The following SLC25A26 variants were observed in gnomAD, a reference collection of about 807,000 sequenced individuals.
SLC25A26 encodes the protein solute carrier family 25 member 26.
Under a neutral mutation model 37.8 loss-of-function variants are expected in SLC25A26, and 36 were observed. The ratio of observed to expected loss-of-function variants is 0.95; its 90% CI spans 0.73 to 1.26. SLC25A26 has a LOEUF of 1.26. SLC25A26 is among the 50% of genes most tolerant of loss of function. The pLI, the probability that SLC25A26 is intolerant of heterozygous loss-of-function variation, is 0.00. For synonymous variants in SLC25A26, 129 were observed against 122.5 expected, an observed-to-expected ratio of 1.05 and a Z score of -0.35; for missense variants, 390 against 331.1, an observed-to-expected ratio of 1.18 and a Z score of -1.38.
chr3:66,217,643 G>T (rs1018887642), upstream of SLC25A26, among the ~76,000 whole-genome samples: 7 of 152,064 alleles, frequency 4.6e-5, no homozygotes, highest in Non-Finnish European at 7.4e-5. Context: ...CCACCGCTCG[G>T]GTTCAAGCGA....
At chr3:66,259,614 T>G (rs568735275) in intron 3 of SLC25A26, among the ~76,000 whole-genome samples, 93 of 152,286 alleles carry the variant, frequency 6.1e-4, no homozygotes, top group Middle Eastern at 3.4e-3. Flanking sequence ...TCCTTTTTCC[T>G]CAGATTTGAC....
At chr3:66,342,231 T>A (rs970958951) in intron 5 of SLC25A26, among the ~76,000 whole-genome samples, 2 of 152,112 alleles carry the variant, frequency 1.3e-5, no homozygotes, top group African/African-American at 4.8e-5. Context: ...CAACTAGAGG[T>A]CTTGCACACG....
intron 6 of SLC25A26, among the ~76,000 whole-genome samples, chr3:66,361,979 AAAG>A (rs1439868201): frequency 6.6e-6 from 1 of 152,130 alleles, no homozygotes; most frequent in African/African-American, 2.4e-5. Flanking sequence ...TCTCAAAAAA[AAAG>A]AAGAAAGAAA....
intron 5 of SLC25A26, among the ~76,000 whole-genome samples, chr3:66,285,208 A>G (rs1053942073): frequency 6.6e-6 from 1 of 152,060 alleles, no homozygotes; most frequent in African/African-American, 2.4e-5. Flanking sequence ...AAAACAGTGT[A>G]ATGAGGTATA....
chr3:66,317,758 A>AGG (rs1383517779), intron 5 of SLC25A26, among the ~76,000 whole-genome samples: 1 of 152,118 alleles, frequency 6.6e-6, no homozygotes, highest in African/African-American at 2.4e-5. Context: ...CCCTCCTCCT[A>AGG]GGGGCTCCTG....
chr3:66,281,843 G>C (rs747310331), intron 5 of SLC25A26, among the ~76,000 whole-genome samples: 1 of 129,530 alleles, frequency 7.7e-6, no homozygotes, highest in African/African-American at 3.1e-5. Context: ...TTTTTTTTGA[G>C]ATGGAGTGTC....
intron 2 of SLC25A26, among the ~76,000 whole-genome samples, chr3:66,238,493 C>T (rs1350028532): frequency 6.6e-6 from 1 of 152,088 alleles, no homozygotes; most frequent in Non-Finnish European, 1.5e-5. Flanking sequence ...AGCAATTCTC[C>T]TGCTTCAGCC....
chr3:66,188,841 A>T (rs1024200223), intron 1 of SLC25A26, among the ~76,000 whole-genome samples: 1 of 151,248 alleles, frequency 6.6e-6, no homozygotes, highest in African/African-American at 2.4e-5. Flanking sequence ...AATCAACCTG[A>T]CCAGACCCTG....
chr3:66,370,067 C>G (rs371824116), intron 8 of SLC25A26, among the ~76,000 whole-genome samples: 1 of 152,152 alleles, frequency 6.6e-6, no homozygotes, highest in Non-Finnish European at 1.5e-5. Context: ...AAAAGTAGAA[C>G]AAATAATGGG....
Position 66,300,850 on chromosome 3 carries a change from C to T in SLC25A26, c.453+37471C>T, listed in dbSNP as rs76124863. On this transcript the variant is annotated intron_variant, in intron 5 of 9. Transcript: ENST00000354883. Reference sequence around the variant, plus strand: ...ATATTTTAGTATCTTGTTGCATTCACTTGTTAATCTGTATTTATGCTTCTG... The same window carrying T: ...ATATTTTAGTATCTTGTTGCATTCATTTGTTAATCTGTATTTATGCTTCTG... 3.0e-3 allele frequency among the ~76,000 whole-genome samples: 460 copies of T among 152,216 alleles called. 3 individuals carry two copies. The highest frequency in any genetic ancestry group is 0.017 in the East Asian group (89 of 5,184).
At chr3:66,366,111 C>T (rs2076819082) in intron 7 of SLC25A26, among the ~76,000 whole-genome samples, 1 of 152,158 alleles carries the variant, frequency 6.6e-6, no homozygotes, top group Non-Finnish European at 1.5e-5. Context: ...TGAATCCTGT[C>T]CTCGAAAGCA....
intron 5 of SLC25A26, among the ~76,000 whole-genome samples, chr3:66,279,969 A>T (rs887529337): frequency 2.0e-5 from 3 of 152,180 alleles, no homozygotes; most frequent in Non-Finnish European, 2.9e-5. Context: ...CTGGTAGAGG[A>T]TACCAATAGT....
At chr3:66,276,552 A>G (rs1406017501) in intron 5 of SLC25A26, among the ~76,000 whole-genome samples, 2 of 152,132 alleles carry the variant, frequency 1.3e-5, no homozygotes, top group South Asian at 2.1e-4. Flanking sequence ...TAAAACAGCC[A>G]TTAATATTGA....
chr3:66,375,514 T>G (rs1700595007), intron 9 of SLC25A26, among the ~76,000 whole-genome samples: 1 of 152,200 alleles, frequency 6.6e-6, no homozygotes, highest in African/African-American at 2.4e-5. Context: ...AGCTGGTATC[T>G]TTAAGTTGAA....
At chr3:66,345,859 A>G (rs901315288) in intron 5 of SLC25A26, among the ~76,000 whole-genome samples, 1 of 152,198 alleles carries the variant, frequency 6.6e-6, no homozygotes, top group Non-Finnish European at 1.5e-5. Context: ...TCCATTTCAA[A>G]GGGGATTCAC....
chr3:66,359,850 C>T (rs1416344042), intron 6 of SLC25A26, among the ~76,000 whole-genome samples: 2 of 152,202 alleles, frequency 1.3e-5, no homozygotes, highest in African/African-American at 4.8e-5. Flanking sequence ...AAACCAGTCT[C>T]TAATAAGTCT....
chr3:66,190,235 A>G (rs1038504643), intron 1 of SLC25A26, among the ~76,000 whole-genome samples: 3 of 151,598 alleles, frequency 2.0e-5, no homozygotes, highest in Non-Finnish European at 4.4e-5. Context: ...GGATAGATTG[A>G]GCTTGGGAGG....
At chr3:66,162,852 TC>T (rs1450019909) in intron 1 of SLC25A26, among the ~76,000 whole-genome samples, 1 of 152,164 alleles carries the variant, frequency 6.6e-6, no homozygotes, top group East Asian at 1.9e-4. Context: ...GTATAGATGC[TC>T]CCATTTCATC....
chr3:66,350,528 T>G (rs967702947), intron 6 of SLC25A26, among the ~76,000 whole-genome samples: 1 of 152,250 alleles, frequency 6.6e-6, no homozygotes, highest in Admixed American at 6.5e-5. Context: ...TTCTTATCCA[T>G]TCTACATTTT....
Sources: allele counts gnomAD v4.1 joint callset (sites outside exome capture counted in the v4.1 genomes callset), GRCh38; gene constraint gnomAD v4.1.1; transcripts MANE v1.5; gene names NCBI Gene and HGNC (gene_info 2026-07-23, HGNC 2026-07-21).